The following ZYG11B variants were observed in gnomAD, a reference collection of about 807,000 sequenced individuals.
ZYG11B encodes the protein protein zyg-11 homolog B.
Under a neutral mutation model 82.4 loss-of-function variants are expected in ZYG11B, and 36 were observed. That is an observed-to-expected ratio of 0.44 (90% CI 0.33 to 0.58). ZYG11B has a LOEUF of 0.58. Among genes scored for constraint, ZYG11B ranks in the 20% least tolerant of loss-of-function variants. The probability of loss-of-function intolerance (pLI) is 0.02; values close to 1 mark genes in which losing one functional copy is unlikely to be tolerated. For synonymous variants in ZYG11B, 303 were observed against 312.8 expected, an observed-to-expected ratio of 0.97 and a Z score of 0.33; for missense variants, 552 against 895.6, an observed-to-expected ratio of 0.62 and a Z score of 4.90.
chr1:52,757,567 C>T (rs12043567), intron 2 of ZYG11B, among the ~76,000 whole-genome samples: 15,938 of 151,756 alleles, frequency 0.11, 1,881 homozygotes, highest in East Asian at 0.35. Context: ...CTCAGCTACT[C>T]GGGAGGGTGA....
chr1:52,785,550 G>T (rs562055210), intron 5 of ZYG11B, among the ~76,000 whole-genome samples: 2 of 152,114 alleles, frequency 1.3e-5, no homozygotes, highest in African/African-American at 4.8e-5. Flanking sequence ...TCCACTTCCC[G>T]GGTTCAAGTG....
chr1:52,819,455 C>T (rs1571805073), intron 13 of ZYG11B, among the ~76,000 whole-genome samples: 2 of 152,132 alleles, frequency 1.3e-5, no homozygotes, highest in South Asian at 2.1e-4. Flanking sequence ...GGACCTTTCA[C>T]AGCTCAGTAG....
intron 10 of ZYG11B, among the ~76,000 whole-genome samples, chr1:52,812,570 T>C (rs780094301): frequency 7.9e-5 from 12 of 151,874 alleles, no homozygotes; most frequent in Non-Finnish European, 1.8e-4. Context: ...GCCCAGCTAA[T>C]TTTTCTATTT....
At chr1:52,746,643 C>T (rs1375471998) in intron 1 of ZYG11B, among the ~76,000 whole-genome samples, 3 of 136,556 alleles carry the variant, frequency 2.2e-5, no homozygotes, top group South Asian at 2.4e-4. Flanking sequence ...ATATCATGTC[C>T]CAAAAAAACA....
chr1:52,811,051 A>AAAAAAGAG (rs1553263650), intron 10 of ZYG11B, among the ~76,000 whole-genome samples: 1 of 142,908 alleles, frequency 7.0e-6, no homozygotes, highest in African/African-American at 2.6e-5. Context: ...AAAAAAAAAA[A>AAAAAAGAG]AGAGAAATTT....
chr1:52,799,605 C>T (rs1048181406), intron 8 of ZYG11B, among the ~76,000 whole-genome samples: 6 of 151,476 alleles, frequency 4.0e-5, no homozygotes, highest in Admixed American at 1.3e-4. Context: ...CTCATGGTGT[C>T]AAACATGGTG....
chr1:52,766,851 A>C (rs1241225459), intron 2 of ZYG11B, among the ~76,000 whole-genome samples: 4 of 152,098 alleles, frequency 2.6e-5, no homozygotes, highest in African/African-American at 9.7e-5. Context: ...TACTAAAAAT[A>C]CAAAAAATTA....
intron 13 of ZYG11B, 45 bp from the exon 14 acceptor site, chr1:52,821,394 A>G (rs1645282392): frequency 6.6e-7 from 1 of 1,512,892 alleles, no homozygotes; most frequent in Admixed American, 2.3e-5. Context: ...TGTTTTAAGA[A>G]AAGCTATTTC....
At chr1:52,791,248 C>T (rs1292299975) in intron 6 of ZYG11B, among the ~76,000 whole-genome samples, 7 of 152,104 alleles carry the variant, frequency 4.6e-5, no homozygotes, top group Admixed American at 4.6e-4. Context: ...GCTGGGATTA[C>T]AGGCGTGAGC....
At chr1:52,783,884 A>ACACGTGTGTGTGTC (rs1558132701) in intron 4 of ZYG11B, among the ~76,000 whole-genome samples, 2 of 140,742 alleles carry the variant, frequency 1.4e-5, no homozygotes, top group Non-Finnish European at 3.1e-5. Flanking sequence ...GTGTGTGTAT[A>ACACGTGTGTGTGTC]TGTACATACA....
chr1:52,747,170 A>G (rs1340187428), intron 1 of ZYG11B, among the ~76,000 whole-genome samples: 1 of 152,132 alleles, frequency 6.6e-6, no homozygotes, highest in Non-Finnish European at 1.5e-5. Context: ...AGTCTTTGAA[A>G]GAACACTTGC....
intron 8 of ZYG11B, among the ~76,000 whole-genome samples, chr1:52,797,769 A>G (rs1645039277): frequency 6.7e-6 from 1 of 149,726 alleles, no homozygotes; most frequent in Non-Finnish European, 1.5e-5. Flanking sequence ...TCGGCCTCCC[A>G]AAGTGCTGGG....
Position 52,826,152 on chromosome 1 carries a change from T to G in ZYG11B, c.*4523T>G, listed in dbSNP as rs1053492062. On this transcript the variant is annotated 3_prime_UTR_variant, in exon 14 of 14. Transcript: ENST00000294353. ...AAGGCATAAGTTAAAGGAAGTATGT[T>G]ACTTTGAGCTGATGTAGGCTCTTCC... is the stretch of plus-strand genomic sequence containing the variant. 7.9e-5 allele frequency: 12 copies of G among 152,214 alleles called. No individual in the cohort carries two copies. Among genetic ancestry groups the G allele is most frequent in the African/African-American group, 2.9e-4 (12 of 41,456 alleles). The allele number at this position is 152,214 out of a possible 1,614,324, so 9.4% of individuals were successfully genotyped here.
At chr1:52,737,524 T>C (rs1482468696) in intron 1 of ZYG11B, among the ~76,000 whole-genome samples, 1 of 152,080 alleles carries the variant, frequency 6.6e-6, no homozygotes, top group East Asian at 1.9e-4. Context: ...CTCAGCACTT[T>C]GGGAGGCCGA....
intron 1 of ZYG11B, among the ~76,000 whole-genome samples, chr1:52,750,142 G>A (rs1644508673): frequency 1.3e-5 from 2 of 152,036 alleles, no homozygotes; most frequent in Admixed American, 1.3e-4. Context: ...CTGTCACCCA[G>A]GCAGTAGAGC....
chr1:52,804,805 AT>A (rs1437167535), intron 10 of ZYG11B, among the ~76,000 whole-genome samples: 1 of 151,932 alleles, frequency 6.6e-6, no homozygotes, highest in African/African-American at 2.4e-5. Flanking sequence ...TTTGAAAAAA[AT>A]ATTGGTCAGG....
At chr1:52,797,101 A>G (rs1326552596) in intron 8 of ZYG11B, among the ~76,000 whole-genome samples, 1 of 71,642 alleles carries the variant, frequency 1.4e-5, no homozygotes, top group Admixed American at 2.4e-4. Context: ...TATATTACAT[A>G]TTGTATATAT....
intron 2 of ZYG11B, among the ~76,000 whole-genome samples, chr1:52,762,981 G>GT (rs974377965): frequency 6.2e-4 from 87 of 139,402 alleles, no homozygotes; most frequent in African/African-American, 2.3e-3. Flanking sequence ...GAGATTGGGG[G>GT]GGGGGGGTCT....
At chr1:52,749,202 C>CA (rs1310319657) in intron 1 of ZYG11B, among the ~76,000 whole-genome samples, 3 of 151,670 alleles carry the variant, frequency 2.0e-5, no homozygotes, top group Non-Finnish European at 4.4e-5. Context: ...AAACTATCTC[C>CA]AAAAAAATAA....
Sources: gnomAD v4.1 joint callset for allele counts (sites outside exome capture counted in the v4.1 genomes callset) on GRCh38, gnomAD v4.1.1 for gene constraint, MANE v1.5 for transcripts, NCBI Gene and HGNC (gene_info 2026-07-23, HGNC 2026-07-21) for gene names.